Variants in VPS13C observed in about 807,000 individuals in gnomAD.
VPS13C encodes the protein intermembrane lipid transfer protein VPS13C.
A neutral mutation model predicts 456.8 loss-of-function variants in VPS13C; 358 were observed. The ratio of observed to expected loss-of-function variants is 0.78; its 90% confidence interval spans 0.72 to 0.86. The LOEUF is 0.86. Ranked by LOEUF, VPS13C falls within the 40% of genes least tolerant of loss-of-function variation. VPS13C has a pLI of 0.00. For missense variants in VPS13C, 4,818 were observed against 4,385.4 expected, an observed-to-expected ratio of 1.10 and a Z score of -2.79; for synonymous variants, 1,578 against 1,486.7, an observed-to-expected ratio of 1.06 and a Z score of -1.41.
intron 46 of VPS13C, 61 bp from the exon 47 acceptor site, chr15:61,940,855 C>A: frequency 1.3e-6 from 2 of 1,509,344 alleles, no homozygotes. Flanking sequence ...TGAGGACTAT[C>A]CTATTGTGTA....
rs1566999859 is a variant in VPS13C at position 61,917,442 on chromosome 15, A to G, written c.7954T>C (p.Cys2652Arg). The change falls in exon 60 of 85, where the codon TGT (cysteine) becomes CGT (arginine). Residue 2652 changes from cysteine (C) to arginine (R), a missense_variant. By Grantham distance (180) the Cys-to-Arg change is radical. Transcript: ENST00000644861. ...ACATCCCAGTCTTCCCCATGTGTAC[A>G]TATGTAGCTCAATTCATCAGGCAGA... ...VALPDELSYI[C>R]THGEDWDVAY... 2.5e-6 allele frequency: 4 copies of G among 1,614,078 alleles called. No individual in the cohort carries two copies. The highest frequency in any genetic ancestry group is 2.2e-5 in the East Asian group (1 of 44,866).
Position 61,881,791 on chromosome 15 carries a change from A to C in VPS13C, c.9662T>G (p.Val3221Gly), listed in dbSNP as rs1346344166. Reference sequence around the variant, plus strand: ...TTTTGGAGGGGCAACAGGATGAAATACAACAGGGAACATTGCACCTGGTAA... The same window carrying C: ...TTTTGGAGGGGCAACAGGATGAAATCCAACAGGGAACATTGCACCTGGTAA... ...NQLPGAMFPV[V>G]FHPVAPPKSI... Residue 3221 changes from valine to glycine, a missense_variant, in exon 70 of 85, where the codon GTA becomes GGA. By Grantham distance (109) the Val-to-Gly change is moderately radical. Around this residue, in one of 3 missense-constraint regions of VPS13C, gnomAD observed 4,552 missense variants for 4,130.6 expected, o/e 1.10. Transcript: ENST00000644861. 6.2e-7 allele frequency: 1 copy of C among 1,604,736 alleles called. No homozygotes were observed. The highest frequency in any genetic ancestry group is 8.5e-7 in the Non-Finnish European group (1 of 1,177,832).
At position 61,907,300 on chromosome 15, in the gene VPS13C, T is replaced by C. The variant is rs756717601; in HGVS notation, c.9069A>G (p.Thr3023=). 3.7e-6 allele frequency: 6 copies of C among 1,613,892 alleles called. No individual in the cohort carries two copies. Among genetic ancestry groups the C allele is most frequent in the South Asian group, 3.3e-5 (3 of 91,092 alleles). The change falls in exon 66 of 85, where the codon ACA becomes ACG. Residue 3023 remains threonine, a synonymous_variant. Coordinates refer to ENST00000644861, the MANE Select transcript of VPS13C (RefSeq NM_020821.3). ...DPTGTRKLTW[T]YAANVGEHDL... The stretch of plus-strand genomic sequence containing the variant: ...CATGTTCCCCAACATTTGCTGCATA[T>C]GTCCATGTAAGTTTTCTGGTACCAG...
intron 66 of VPS13C, among the ~76,000 whole-genome samples, chr15:61,892,005 G>C (rs1035618003): frequency 6.6e-6 from 1 of 152,166 alleles, no homozygotes; most frequent in African/African-American, 2.4e-5. Context: ...ACTGCATGCA[G>C]GAAATTCCTC....
intron 66 of VPS13C, among the ~76,000 whole-genome samples, chr15:61,902,140 T>C (rs1465149073): frequency 2.0e-5 from 3 of 147,374 alleles, no homozygotes; most frequent in South Asian, 4.5e-4. Flanking sequence ...AGGGATAGCA[T>C]TGGGAGATAT....
At chr15:62,016,904 T>A (rs878913814) in intron 9 of VPS13C, among the ~76,000 whole-genome samples, 2 of 152,096 alleles carry the variant, frequency 1.3e-5, no homozygotes, top group Non-Finnish European at 2.9e-5. Flanking sequence ...TAAAAGTGTT[T>A]CTATTTCTCC....
intron 38 of VPS13C, 26 bp downstream of exon 38, chr15:61,954,395 T>G (rs373063055): frequency 1.3e-6 from 2 of 1,598,838 alleles, no homozygotes; most frequent in Non-Finnish European, 1.7e-6. Flanking sequence ...CACCTCACTT[T>G]ACAAAAACAG....
rs1356780391 is a variant in VPS13C, at chr15:62,037,307, TATA to T, written c.188-2258_188-2256del. Among the ~76,000 whole-genome samples the T allele has an allele frequency of 3.7e-4, 26 of 70,084 alleles. 2 individuals are homozygous for T. The highest frequency in any genetic ancestry group is 1.2e-3 in the African/African-American group (21 of 17,024). 46.0% of individuals were successfully genotyped at this position (70,084 alleles called of 152,430 possible). On this transcript the variant is annotated intron_variant, in intron 3 of 84. Coordinates refer to ENST00000644861, the MANE Select transcript of VPS13C (RefSeq NM_020821.3). ...TATATATTATATTATATAATATATA[TATA>T]AATATATTATATATTATATACATTT...
chr15:61,964,888 GT>G (rs1026593878), intron 30 of VPS13C, 27 bp from the exon 31 acceptor site: 4 of 1,587,228 alleles, frequency 2.5e-6, no homozygotes, highest in East Asian at 2.2e-5. Flanking sequence ...GAGAAAATTA[GT>G]TTTCCACAGC....
intron 16 of VPS13C, among the ~76,000 whole-genome samples, chr15:61,995,679 G>A (rs8035049): frequency 0.58 from 87,513 of 151,962 alleles, 25,372 homozygotes; most frequent in Admixed American, 0.64. Flanking sequence ...CAAAAAGCTG[G>A]AGCCTTCCAT....
chr15:61,947,700 T>C (rs984192363), intron 42 of VPS13C, among the ~76,000 whole-genome samples: 2 of 152,126 alleles, frequency 1.3e-5, no homozygotes, highest in Admixed American at 6.5e-5. Context: ...GAAGAATAAC[T>C]CATGATAAAC....
At chr15:61,956,419 G>A (rs897242458) in intron 37 of VPS13C, among the ~76,000 whole-genome samples, 2 of 151,986 alleles carry the variant, frequency 1.3e-5, no homozygotes, top group Admixed American at 6.6e-5. Context: ...AGACAAAATC[G>A]CAGTGACATG....
chr15:61,944,174 A>G (rs7170293), intron 45 of VPS13C, among the ~76,000 whole-genome samples: 1 of 151,980 alleles, frequency 6.6e-6, no homozygotes. Flanking sequence ...GAAGAGAACA[A>G]TTACATAACT....
chr15:62,039,248 C>T (rs920180010), intron 3 of VPS13C, among the ~76,000 whole-genome samples: 4 of 151,982 alleles, frequency 2.6e-5, no homozygotes, highest in African/African-American at 9.7e-5. Flanking sequence ...CAATAGTATG[C>T]AGCCATAAAA....
At chr15:62,044,905 T>TA (rs2140735927) in intron 1 of VPS13C, among the ~76,000 whole-genome samples, 1 of 152,272 alleles carries the variant, frequency 6.6e-6, no homozygotes, top group East Asian at 1.9e-4. Flanking sequence ...TCATTTCACT[T>TA]AAATTATGTT....
chr15:61,996,768 A>G (rs1384825622), intron 16 of VPS13C, among the ~76,000 whole-genome samples: 1 of 151,810 alleles, frequency 6.6e-6, no homozygotes, highest in Non-Finnish European at 1.5e-5. Flanking sequence ...CAGAAGAAAG[A>G]CAGAACTTGA....
At chr15:62,023,105 A>G (rs1341935630) in intron 8 of VPS13C, among the ~76,000 whole-genome samples, 2 of 151,984 alleles carry the variant, frequency 1.3e-5, no homozygotes, top group Non-Finnish European at 2.9e-5. Flanking sequence ...TAAAGCAAAA[A>G]TTAGTTCCTT....
At chr15:61,996,310 C>G (rs2046385430) in intron 16 of VPS13C, among the ~76,000 whole-genome samples, 1 of 152,158 alleles carries the variant, frequency 6.6e-6, no homozygotes, top group African/African-American at 2.4e-5. Context: ...GAACTGAAAT[C>G]TGAACCACCA....
intron 66 of VPS13C, among the ~76,000 whole-genome samples, chr15:61,900,410 CAA>C (rs1299825294): frequency 1.3e-5 from 2 of 152,212 alleles, no homozygotes; most frequent in African/African-American, 4.8e-5. Flanking sequence ...GCAACTTCAG[CAA>C]AGTCTCAGGA....
Sources: gnomAD v4.1 joint callset for allele counts (sites outside exome capture counted in the v4.1 genomes callset) on GRCh38, gnomAD v4.1.1 for gene constraint, gnomAD v4.1.1 regional missense constraint, MANE v1.5 for transcripts, NCBI Gene and HGNC (gene_info 2026-07-23, HGNC 2026-07-21) for gene names.